RCOR1: variants seen among roughly 807,000 people sequenced by gnomAD.
RCOR1 encodes REST corepressor 1, also known as REST corepressor.
Under a neutral mutation model 64.0 loss-of-function variants are expected in RCOR1, and 12 were observed. The ratio of observed to expected loss-of-function variants is 0.19; its 90% confidence interval spans 0.12 to 0.30. RCOR1 has a LOEUF of 0.30. Among genes scored for constraint, RCOR1 ranks in the 10% least tolerant of loss-of-function variants. The probability of loss-of-function intolerance (pLI) is 1.00; values close to 1 mark genes in which losing one functional copy is unlikely to be tolerated. For missense variants in RCOR1, 502 were observed against 621.2 expected, an observed-to-expected ratio of 0.81 and a Z score of 2.04; for synonymous variants, 279 against 227.2, an observed-to-expected ratio of 1.23 and a Z score of -2.05.
intron 2 of RCOR1, among the ~76,000 whole-genome samples, chr14:102,597,333 G>A (rs1312883122): frequency 2.6e-5 from 4 of 151,078 alleles, no homozygotes; most frequent in Non-Finnish European, 5.9e-5. Flanking sequence ...ATTTGACTTT[G>A]ATTTTTTTTT....
chr14:102,633,689 G>A (rs1041496604), intron 2 of RCOR1, among the ~76,000 whole-genome samples: 17 of 152,074 alleles, frequency 1.1e-4, no homozygotes, highest in Admixed American at 9.8e-4. Context: ...ACAGGCGTTC[G>A]CCAACACGCC....
intron 3 of RCOR1, 107 bp downstream of exon 3, chr14:102,682,085 T>A: frequency 1.6e-6 from 1 of 640,176 alleles, no homozygotes; most frequent in Non-Finnish European, 2.6e-6. Context: ...TTTTCTATTT[T>A]AAGATAAATA....
intron 2 of RCOR1, among the ~76,000 whole-genome samples, chr14:102,627,656 TAA>T (rs533375860): frequency 6.4e-5 from 9 of 140,174 alleles, no homozygotes; most frequent in Non-Finnish European, 4.7e-5. Context: ...GACTCTGTCT[TAA>T]AAAAAAAAAA....
At chr14:102,720,476 A>C (rs1279683041) in intron 8 of RCOR1, among the ~76,000 whole-genome samples, 1 of 152,200 alleles carries the variant, frequency 6.6e-6, no homozygotes, top group Admixed American at 6.5e-5. Flanking sequence ...AATCTCACTG[A>C]CATTGTGTTT....
chr14:102,626,159 T>C (rs1243843091), intron 2 of RCOR1, among the ~76,000 whole-genome samples: 1 of 152,232 alleles, frequency 6.6e-6, no homozygotes, highest in African/African-American at 2.4e-5. Flanking sequence ...TTGATGTTTC[T>C]TACGCTTTTG....
At chr14:102,666,959 A>G (rs1242886291) in intron 2 of RCOR1, among the ~76,000 whole-genome samples, 4 of 152,124 alleles carry the variant, frequency 2.6e-5, no homozygotes, top group Non-Finnish European at 5.9e-5. Context: ...AGAGGTCACT[A>G]TGCACAGCCC....
intron 2 of RCOR1, chr14:102,657,308 T>A (rs942510281): frequency 1.1e-4 from 108 of 985,248 alleles, no homozygotes; most frequent in Non-Finnish European, 1.3e-4. Context: ...CGATATGTCC[T>A]CATGTTCAAG....
intron 2 of RCOR1, among the ~76,000 whole-genome samples, chr14:102,623,687 C>T (rs1363124193): frequency 4.0e-5 from 6 of 151,484 alleles, no homozygotes; most frequent in Non-Finnish European, 8.8e-5. Context: ...AGATTACAGG[C>T]GTGAGCCACA....
rs1312468721 is a variant in RCOR1, at chr14:102,632,692, TTTTCCTTTCC to T, written c.361+39376_361+39385del. Among the ~76,000 whole-genome samples the T allele has an allele frequency of 4.3e-3, 512 of 118,906 alleles. 3 individuals are homozygous for T. Among genetic ancestry groups the T allele is most frequent in the African/African-American group, 0.013 (382 of 28,382 alleles). 78.0% of individuals were successfully genotyped at this position (118,906 alleles called of 152,430 possible). On this transcript the variant is annotated intron_variant, in intron 2 of 11. Transcript: ENST00000262241. ...TCCTTTCCTTTCCTTTTCCTTTTCCTTTTCCTTTCCTTTCCTTTTCCTTTCCTTTCCTTTC... is the reference window on the plus strand; with the variant it reads ...TCCTTTCCTTTCCTTTTCCTTTTCCTTTTCCTTTTCCTTTCCTTTCCTTTC...
intron 2 of RCOR1, among the ~76,000 whole-genome samples, chr14:102,663,072 C>G (rs748324550): frequency 3.0e-4 from 45 of 152,138 alleles, no homozygotes; most frequent in Non-Finnish European, 5.7e-4. Context: ...GAGGCCAGAT[C>G]TTTCCTGTGC....
intron 3 of RCOR1, among the ~76,000 whole-genome samples, chr14:102,688,936 C>T (rs1895475724): frequency 6.6e-6 from 1 of 152,184 alleles, no homozygotes; most frequent in African/African-American, 2.4e-5. Flanking sequence ...AGTTGATCTG[C>T]ACCCTAAATG....
intron 2 of RCOR1, among the ~76,000 whole-genome samples, chr14:102,604,979 G>C (rs1057171430): frequency 3.5e-5 from 5 of 144,280 alleles, no homozygotes; most frequent in African/African-American, 1.0e-4. Context: ...TGAGGCGCGA[G>C]AATTGCCTGA....
At chr14:102,666,970 A>C (rs1894925919) in intron 2 of RCOR1, among the ~76,000 whole-genome samples, 1 of 152,164 alleles carries the variant, frequency 6.6e-6, no homozygotes, top group Non-Finnish European at 1.5e-5. Context: ...TGCACAGCCC[A>C]CACTGAAGGG....
intron 2 of RCOR1, among the ~76,000 whole-genome samples, chr14:102,638,852 G>A (rs777745820): frequency 5.3e-4 from 81 of 152,204 alleles, no homozygotes; most frequent in Middle Eastern, 3.4e-3. Context: ...TAGTGGAGAC[G>A]GGGTTTCGCC....
At chr14:102,657,257 ATTTCCCACC>A in intron 2 of RCOR1, 2 of 985,226 alleles carry the variant, frequency 2.0e-6, no homozygotes, top group Non-Finnish European at 2.4e-6. Context: ...TAGATTTAGG[ATTTCCCACC>A]TGTATGTATG....
chr14:102,669,301 C>G (rs1337157279), intron 2 of RCOR1, among the ~76,000 whole-genome samples: 2 of 140,004 alleles, frequency 1.4e-5, no homozygotes, highest in African/African-American at 5.7e-5. Context: ...AAGAGTGAAA[C>G]TCGGTCTGAA....
At chr14:102,653,983 C>CTTTCTTTT (rs1334055763) in intron 2 of RCOR1, among the ~76,000 whole-genome samples, 1 of 33,176 alleles carries the variant, frequency 3.0e-5, no homozygotes, top group Non-Finnish European at 6.2e-5. Flanking sequence ...TTCTTTCTTT[C>CTTTCTTTT]TTTTTTTTTT....
At chr14:102,637,729 C>G (rs1894274488) in intron 2 of RCOR1, among the ~76,000 whole-genome samples, 2 of 152,184 alleles carry the variant, frequency 1.3e-5, no homozygotes, top group Non-Finnish European at 2.9e-5. Flanking sequence ...AGATTACAGG[C>G]TTGAGTCACC....
chr14:102,726,387 T>C (rs1287196053), intron 11 of RCOR1, 81 bp from the exon 12 acceptor site: 1 of 1,344,362 alleles, frequency 7.4e-7, no homozygotes, highest in African/African-American at 1.5e-5. Flanking sequence ...TACCTTCTCT[T>C]TTCAGTACAC....
Sources: gnomAD v4.1 joint callset for allele counts (sites outside exome capture counted in the v4.1 genomes callset) on GRCh38, gnomAD v4.1.1 for gene constraint, MANE v1.5 for transcripts, NCBI Gene and HGNC (gene_info 2026-07-23, HGNC 2026-07-21) for gene names.